Variants in VPS37A observed in about 807,000 individuals in gnomAD.
The protein encoded by VPS37A is VPS37A subunit of ESCRT-I, also known as vacuolar protein sorting-associated protein 37A.
VPS37A carries 30 observed loss-of-function variants against 49.8 expected under a neutral mutation model. That is an observed-to-expected ratio of 0.60 (90% CI 0.45 to 0.82). VPS37A has a LOEUF of 0.82. VPS37A is among the 40% of genes least tolerant of loss of function. VPS37A has a pLI of 0.00. For synonymous variants in VPS37A, 195 were observed against 160.6 expected (o/e 1.21, Z -1.62); for missense variants, 593 against 464.4 (o/e 1.28, Z -2.55).
At chr8:17,276,955 T>G (rs745343013) in intron 6 of VPS37A, among the ~76,000 whole-genome samples, 2 of 152,258 alleles carry the variant, frequency 1.3e-5, no homozygotes, top group South Asian at 2.1e-4. Context: ...CATGGAACTT[T>G]GCTTCTCTAA....
Position 17,268,303 on chromosome 8 carries a change from T to C in VPS37A, c.246T>C (p.Val82=). 1 of 1,613,388 alleles carries C rather than the reference T, an allele frequency of 6.2e-7. No individual in the cohort carries two copies. The highest frequency in any genetic ancestry group is 8.5e-7 in the Non-Finnish European group (1 of 1,179,792). The change falls in exon 3 of 12, where the codon GTT becomes GTC. Residue 82 remains valine, a synonymous_variant. Transcript: ENST00000324849. ...QFPQEKPVIS[V]YPPIRHHLMD... is the part of the protein sequence containing the mutation. ...CTCAGGAAAAACCAGTGATCAGTGT[T>C]TATCCACCAATACGACATCACTTAA...
intron 11 of VPS37A, among the ~76,000 whole-genome samples, chr8:17,288,003 C>T (rs1021821931): frequency 3.3e-5 from 5 of 152,172 alleles, no homozygotes; most frequent in Admixed American, 2.6e-4. Flanking sequence ...ACTATTTCTG[C>T]TCCTTGTAAC....
chr8:17,329,562 T>C, the VPS37A span, among the ~76,000 whole-genome samples: 11 of 152,224 alleles, frequency 7.2e-5, no homozygotes, highest in African/African-American at 2.7e-4. Context: ...ATGTGTATGC[T>C]ATCAGCACTG....
downstream of VPS37A, chr8:17,304,234 A>C (rs1817307105): frequency 2.5e-6 from 2 of 812,622 alleles, no homozygotes; most frequent in South Asian, 7.4e-5. Context: ...ATACCAGATC[A>C]GATATTCAAG....
chr8:17,309,864 A>C, the VPS37A span, among the ~76,000 whole-genome samples: 1 of 152,184 alleles, frequency 6.6e-6, no homozygotes, highest in South Asian at 2.1e-4. Context: ...AAGAATTCTA[A>C]AATGATGGTG....
chr8:17,295,654 C>T lies in VPS37A; in HGVS notation c.*668C>T, dbSNP rs901051834. 3.3e-5 allele frequency: 5 copies of T among 152,190 alleles called. No individual in the cohort carries two copies. Among genetic ancestry groups the T allele is most frequent in the African/African-American group, 1.2e-4 (5 of 41,328 alleles). The allele number at this position is 152,190 out of a possible 1,614,324, so 9.4% of individuals were successfully genotyped here. A position where few individuals can be genotyped will look rare whatever the true frequency, so the allele number is the denominator to read the frequency against. ...TACCTAATAGGAAAAAAAAAAGTTG[C>T]CTTTCATTTAAACCATTCCAACAGA... On this transcript the variant is annotated 3_prime_UTR_variant, in exon 12 of 12. Transcript: ENST00000324849.
chr8:17,266,825 G>A (rs1813507046), intron 2 of VPS37A, among the ~76,000 whole-genome samples: 1 of 152,108 alleles, frequency 6.6e-6, no homozygotes. Flanking sequence ...CCAGACTGGA[G>A]TGCAGTGGCA....
chr8:17,325,684 C>T, the VPS37A span, among the ~76,000 whole-genome samples: 1 of 152,164 alleles, frequency 6.6e-6, no homozygotes, highest in Non-Finnish European at 1.5e-5. Context: ...GAGAAAATAC[C>T]CAAAGGCCTA....
chr8:17,274,646 A>G (rs1814334109), intron 4 of VPS37A, 87 bp from the exon 5 acceptor site: 1 of 1,025,744 alleles, frequency 9.7e-7, no homozygotes, highest in Admixed American at 2.3e-5. Flanking sequence ...ATAGTACTTG[A>G]CCTTTGTTAT....
chr8:17,291,358 T>C (rs1408508742), intron 11 of VPS37A, among the ~76,000 whole-genome samples: 1 of 152,064 alleles, frequency 6.6e-6, no homozygotes, highest in African/African-American at 2.4e-5. Context: ...GATTCTTCTC[T>C]CTTTTCTTCT....
chr8:17,291,543 T>C (rs954800786), intron 11 of VPS37A, among the ~76,000 whole-genome samples: 3 of 152,036 alleles, frequency 2.0e-5, no homozygotes, highest in Non-Finnish European at 4.4e-5. Flanking sequence ...CTCTTGCTTC[T>C]CTAATTCTTT....
downstream of VPS37A, among the ~76,000 whole-genome samples, chr8:17,301,360 G>C (rs1201677246): frequency 6.6e-6 from 1 of 152,188 alleles, no homozygotes; most frequent in Non-Finnish European, 1.5e-5. Context: ...ACAGGACTGT[G>C]AAAGATTTAA....
chr8:17,251,356 G>A (rs982019583), intron 1 of VPS37A, among the ~76,000 whole-genome samples: 5 of 152,176 alleles, frequency 3.3e-5, no homozygotes, highest in Non-Finnish European at 2.9e-5. Context: ...ATTCCTATCT[G>A]TAAAATCAGC....
chr8:17,311,773 G>A, the VPS37A span: 1 of 1,374,646 alleles, frequency 7.3e-7, no homozygotes. Context: ...GTCTGTTTAG[G>A]GCCCCCCCTA....
the VPS37A span, among the ~76,000 whole-genome samples, chr8:17,315,796 G>A: frequency 6.6e-6 from 1 of 152,164 alleles, no homozygotes; most frequent in East Asian, 1.9e-4. Context: ...AGGATCATTT[G>A]AGTCAAGGAG....
intron 3 of VPS37A, among the ~76,000 whole-genome samples, chr8:17,268,599 T>C (rs1301974110): frequency 6.6e-6 from 1 of 152,204 alleles, no homozygotes; most frequent in Non-Finnish European, 1.5e-5. Flanking sequence ...AACCCTCAAA[T>C]TATTGTAAAT....
At chr8:17,248,697 T>C (rs1450690487) in intron 1 of VPS37A, among the ~76,000 whole-genome samples, 2 of 152,150 alleles carry the variant, frequency 1.3e-5, no homozygotes, top group African/African-American at 4.8e-5. Flanking sequence ...AATAGAAAAA[T>C]TTACTGCAAA....
chr8:17,268,698 C>T (rs1350477779), intron 3 of VPS37A, among the ~76,000 whole-genome samples, 158 bp from the exon 4 acceptor site: 1 of 152,062 alleles, frequency 6.6e-6, no homozygotes, highest in African/African-American at 2.4e-5. Flanking sequence ...GGTATCGATT[C>T]TATAAGAAAA....
chr8:17,305,328 C>T (rs1817380045), downstream of VPS37A, among the ~76,000 whole-genome samples: 1 of 152,178 alleles, frequency 6.6e-6, no homozygotes. Context: ...AATTTATCTA[C>T]TTTTACCCTT....
Sources: allele counts gnomAD v4.1 joint callset (sites outside exome capture counted in the v4.1 genomes callset), GRCh38; gene constraint gnomAD v4.1.1; transcripts MANE v1.5; gene names NCBI Gene and HGNC (gene_info 2026-07-23, HGNC 2026-07-21).